Variants in COL4A1 observed in about 807,000 individuals in gnomAD.
COL4A1 encodes collagen type IV alpha 1 chain.
Under a neutral mutation model 216.6 loss-of-function variants are expected in COL4A1, and 40 were observed. The ratio of observed to expected loss-of-function variants is 0.18; its 90% CI spans 0.14 to 0.24. The LOEUF is 0.24. Ranked by LOEUF, COL4A1 falls within the 10% of genes least tolerant of loss-of-function variation. COL4A1 has a pLI of 1.00. For missense variants in COL4A1, 1,628 were observed against 2,196.8 expected (o/e 0.74, Z 5.18); for synonymous variants, 839 against 810.7 (o/e 1.03, Z -0.59).
chr13:110,214,115 A>T (rs1879954190), intron 2 of COL4A1, 100 bp from the exon 3 acceptor site: 1 of 954,688 alleles, frequency 1.0e-6, no homozygotes, highest in East Asian at 2.5e-5. Context: ...TTTTTTTGAG[A>T]TGGAGTCTCA....
rs1204950387 is a variant in COL4A1, at chr13:110,176,979, A to G, written c.2775T>C (p.Asp925=). 1 of 1,613,864 alleles carries G rather than the reference A, an allele frequency of 6.2e-7. No homozygotes were observed. The change falls in exon 34 of 52, where the codon GAT becomes GAC. Residue 925 remains aspartate (D), a synonymous_variant. Transcript: ENST00000375820. ...GPRGDPGLKG[D]KGDVGLPGKP... is the part of the protein sequence containing the mutation. ...TGCCAGGGAGACCGACATCCCCCTT[A>G]TCACCTTTCAAGCCAGGGTCTCCCC...
intron 22 of COL4A1, among the ~76,000 whole-genome samples, chr13:110,194,780 C>T (rs371618249): frequency 1.6e-4 from 24 of 152,276 alleles, no homozygotes; most frequent in African/African-American, 5.1e-4. Context: ...CTTCACGGTC[C>T]TCGGAAAGGG....
In COL4A1 at chr13:110,178,965, C is replaced by T. The variant is rs1323719021; in HGVS notation, c.2416G>A (p.Ala806Thr). The part of the protein sequence containing the change: ...PGVPGIGPPG[A>T]RGPPGGQGPP... Reference sequence around the variant, plus strand: ...CCCTGTCCTCCAGGGGGACCCCTAGCTCCAGGGGGGCCTATTCCTGGAACT... The same window carrying T: ...CCCTGTCCTCCAGGGGGACCCCTAGTTCCAGGGGGGCCTATTCCTGGAACT... Residue 806 changes from alanine (A) to threonine (T), a missense_variant, in exon 31 of 52, where the codon GCT becomes ACT. Transcript: ENST00000375820. 1 of 1,612,522 alleles carries T rather than the reference C, an allele frequency of 6.2e-7. No homozygotes were observed. Among genetic ancestry groups the T allele is most frequent in the South Asian group, 1.1e-5 (1 of 90,698 alleles).
chr13:110,189,128 AT>A (rs1248180604), intron 24 of COL4A1, among the ~76,000 whole-genome samples: 2 of 152,194 alleles, frequency 1.3e-5, no homozygotes, highest in Non-Finnish European at 1.5e-5. Flanking sequence ...CAATGGCGCC[AT>A]CTCGGCTCAC....
At chr13:110,219,711 T>C in intron 2 of COL4A1, among the ~76,000 whole-genome samples, 1 of 137,124 alleles carries the variant, frequency 7.3e-6, no homozygotes, top group Non-Finnish European at 1.5e-5. Context: ...TATATACATA[T>C]GTGTATATAT....
At chr13:110,283,609 C>T (rs1207350104) in intron 1 of COL4A1, among the ~76,000 whole-genome samples, 1 of 152,214 alleles carries the variant, frequency 6.6e-6, no homozygotes, top group Non-Finnish European at 1.5e-5. Flanking sequence ...TACAGGCACA[C>T]ATATGAACAC....
intron 50 of COL4A1, 118 bp from the exon 51 acceptor site, chr13:110,152,624 T>A (rs747452006): frequency 5.5e-5 from 65 of 1,191,788 alleles, no homozygotes; most frequent in Non-Finnish European, 7.2e-5. Context: ...CACTGCAGCC[T>A]CATGTGGTCA....
rs568480487 is a variant in COL4A1, at chr13:110,209,959, G to A, written c.615+21C>T. 29 of 1,613,558 alleles carry A rather than the reference G, an allele frequency of 1.8e-5. No homozygotes were observed. In the African/African-American group the frequency reaches 2.9e-4, roughly 16 times the overall value. On this transcript the variant is annotated intron_variant, in intron 10 of 51. Transcript: ENST00000375820. ...TTGTTTTTTAAATGATTGCCTCGGA[G>A]AGACAGCCCCCAAAACTTACTGGTG...
intron 1 of COL4A1, among the ~76,000 whole-genome samples, chr13:110,274,379 T>C (rs753685800): frequency 1.3e-5 from 2 of 152,174 alleles, no homozygotes. Context: ...GATGTTCTGA[T>C]CTGATGCACG....
chr13:110,302,519 T>C (rs1390859981), intron 1 of COL4A1, among the ~76,000 whole-genome samples: 14 of 151,864 alleles, frequency 9.2e-5, no homozygotes, highest in Admixed American at 5.9e-4. Flanking sequence ...CTGAGGGGCA[T>C]GGGAAGAGGA....
At position 110,288,279 on chromosome 13, in the gene COL4A1, A is replaced by G. The variant is rs1420231201; in HGVS notation, c.84+18665T>C. Among the ~76,000 whole-genome samples the G allele has an allele frequency of 2.0e-5, 3 of 150,118 alleles. No individual in the cohort carries two copies. The East Asian group carries it at 5.8e-4, about 29-fold the overall frequency. On this transcript the variant is annotated intron_variant, in intron 1 of 51. Transcript: ENST00000375820. Reference sequence around the variant, plus strand: ...CTCCCTCTCAAAAAAAAAAAAAATAATAATAATAATAATAATAATTAAGCC... The same window carrying G: ...CTCCCTCTCAAAAAAAAAAAAAATAGTAATAATAATAATAATAATTAAGCC...
intron 1 of COL4A1, among the ~76,000 whole-genome samples, chr13:110,244,028 T>A (rs560863414): frequency 3.8e-4 from 58 of 152,326 alleles, no homozygotes; most frequent in African/African-American, 1.4e-3. Context: ...ATGAGATGAA[T>A]AATCGGGTTA....
chr13:110,195,383 C>T (rs1007011273), intron 21 of COL4A1, among the ~76,000 whole-genome samples: 1 of 152,190 alleles, frequency 6.6e-6, no homozygotes. Flanking sequence ...GGTGCATCAG[C>T]CCTGTCCTGT....
intron 2 of COL4A1, among the ~76,000 whole-genome samples, chr13:110,216,261 C>T (rs1310151468): frequency 6.6e-6 from 1 of 152,128 alleles, no homozygotes; most frequent in Non-Finnish European, 1.5e-5. Context: ...TGAAGAGCTC[C>T]TTAAATACAC....
intron 24 of COL4A1, among the ~76,000 whole-genome samples, chr13:110,189,528 C>A (rs1015182323): frequency 7.9e-5 from 12 of 152,176 alleles, no homozygotes; most frequent in African/African-American, 2.9e-4. Context: ...GGACACTTCA[C>A]TTGGATCTAC....
intron 17 of COL4A1, among the ~76,000 whole-genome samples, chr13:110,204,126 T>G (rs1410924136): frequency 6.6e-6 from 1 of 152,232 alleles, no homozygotes; most frequent in Non-Finnish European, 1.5e-5. Flanking sequence ...CTGATCACTT[T>G]AAGGTTTAAT....
chr13:110,170,831 G>A lies in COL4A1; in HGVS notation c.3557-99C>T, dbSNP rs2275845. 94,395 of 1,300,796 alleles carry A rather than the reference G, an allele frequency of 0.073. 3,747 individuals are homozygous for A. The highest frequency in any genetic ancestry group is 0.13 in the East Asian group (5,638 of 42,964). The allele number at this position is 1,300,796 out of a possible 1,614,324, so 80.6% of individuals were successfully genotyped here. On this transcript the variant is annotated intron_variant, in intron 41 of 51. Coordinates refer to ENST00000375820, the MANE Select transcript of COL4A1 (RefSeq NM_001845.6). ...GATGGGATGAGGCGTGCCTCATCCT[G>A]TAGGTACCGCTCAGAGGGAGCTTCC...
chr13:110,202,634 T>A (rs942576176), intron 18 of COL4A1, among the ~76,000 whole-genome samples: 1 of 152,170 alleles, frequency 6.6e-6, no homozygotes, highest in Non-Finnish European at 1.5e-5. Context: ...GAGAGAACGG[T>A]AACATTTTCA....
At chr13:110,272,294 T>C (rs1298062503) in intron 1 of COL4A1, among the ~76,000 whole-genome samples, 1 of 152,246 alleles carries the variant, frequency 6.6e-6, no homozygotes, top group Admixed American at 6.5e-5. Context: ...GTAATAATTC[T>C]GTAATTTCAC....
Sources: gnomAD v4.1 joint callset for allele counts (sites outside exome capture counted in the v4.1 genomes callset) on GRCh38, gnomAD v4.1.1 for gene constraint, MANE v1.5 for transcripts, NCBI Gene and HGNC (gene_info 2026-07-23, HGNC 2026-07-21) for gene names.